The following TTC6 variants were observed in gnomAD, a reference collection of about 807,000 sequenced individuals.
TTC6 encodes the protein tetratricopeptide repeat domain 6, also known as tetratricopeptide repeat protein 6.
TTC6 carries 172 observed loss-of-function variants against 210.4 expected under a neutral mutation model. That is an observed-to-expected ratio of 0.82 (90% CI 0.72 to 0.93). TTC6 has a LOEUF of 0.93. Ranked by LOEUF, TTC6 falls within the 40% of genes least tolerant of loss-of-function variation. TTC6 has a pLI of 0.00. For synonymous variants in TTC6, 804 were observed against 819.6 expected (o/e 0.98, Z 0.32); for missense variants, 2,414 against 2,318.1 (o/e 1.04, Z -0.85).
At chr14:37,604,678 A>G (rs1480448263) in intron 1 of TTC6, among the ~76,000 whole-genome samples, 2 of 151,992 alleles carry the variant, frequency 1.3e-5, no homozygotes, top group Admixed American at 1.3e-4. Context: ...CGGGAAGGAG[A>G]GGGGAGATGA....
chr14:37,701,959 G>A (rs780036211), intron 5 of TTC6, among the ~76,000 whole-genome samples: 2 of 152,138 alleles, frequency 1.3e-5, no homozygotes, highest in Non-Finnish European at 2.9e-5. Flanking sequence ...ACATACAAAA[G>A]TCATTGCTCT....
At chr14:37,625,815 G>C (rs1299945810) in intron 1 of TTC6, among the ~76,000 whole-genome samples, 1 of 152,160 alleles carries the variant, frequency 6.6e-6, no homozygotes, top group Non-Finnish European at 1.5e-5. Flanking sequence ...CTTGGGAAAG[G>C]ACATTCCACA....
intron 17 of TTC6, among the ~76,000 whole-genome samples, chr14:37,793,046 A>G (rs1390401857): frequency 1.3e-5 from 2 of 152,078 alleles, no homozygotes; most frequent in Non-Finnish European, 2.9e-5. Flanking sequence ...TCTTGTCTCT[A>G]CCCTTCAAAG....
chr14:37,818,102 AT>A (rs2096146583), intron 26 of TTC6, among the ~76,000 whole-genome samples: 2 of 152,300 alleles, frequency 1.3e-5, no homozygotes, highest in Non-Finnish European at 2.9e-5. Flanking sequence ...ATAATTTTGC[AT>A]TTAAAAACGT....
At chr14:37,771,150 A>G (rs1344880125) in intron 14 of TTC6, among the ~76,000 whole-genome samples, 5 of 152,016 alleles carry the variant, frequency 3.3e-5, no homozygotes, top group Non-Finnish European at 7.4e-5. Flanking sequence ...CTTCTGGCTT[A>G]TAGGGTTTCT....
At chr14:37,780,230 A>C (rs537129416) in intron 14 of TTC6, among the ~76,000 whole-genome samples, 1 of 152,250 alleles carries the variant, frequency 6.6e-6, no homozygotes, top group African/African-American at 2.4e-5. Flanking sequence ...TTAGTGAAAC[A>C]TTTTTTTCCT....
intron 1 of TTC6, among the ~76,000 whole-genome samples, chr14:37,626,644 C>T (rs1415305103): frequency 6.6e-6 from 1 of 152,122 alleles, no homozygotes; most frequent in Non-Finnish European, 1.5e-5. Context: ...AAGGAATGAA[C>T]TGGTGGTGAA....
intron 1 of TTC6, among the ~76,000 whole-genome samples, chr14:37,672,040 G>A (rs969131616): frequency 3.3e-5 from 5 of 152,060 alleles, no homozygotes; most frequent in African/African-American, 9.7e-5. Context: ...GTTCTTTATA[G>A]GAGTGTGAAA....
chr14:37,824,998 G>A (rs1224046510), intron 27 of TTC6, among the ~76,000 whole-genome samples: 1 of 152,118 alleles, frequency 6.6e-6, no homozygotes, highest in Admixed American at 6.6e-5. Flanking sequence ...ATCTCACTGG[G>A]TGTATAGCAA....
chr14:37,684,744 A>G (rs1395679809), intron 3 of TTC6, among the ~76,000 whole-genome samples: 1 of 152,186 alleles, frequency 6.6e-6, no homozygotes, highest in Non-Finnish European at 1.5e-5. Flanking sequence ...TTTACACTGT[A>G]TGTGGACATT....
At chr14:37,669,100 T>C (rs1358929584) in intron 1 of TTC6, among the ~76,000 whole-genome samples, 1 of 152,196 alleles carries the variant, frequency 6.6e-6, no homozygotes, top group Non-Finnish European at 1.5e-5. Flanking sequence ...TCTTGCAAAG[T>C]GAGAGAAGAG....
chr14:37,699,999 G>T (rs1370572431), intron 4 of TTC6, among the ~76,000 whole-genome samples: 1 of 152,048 alleles, frequency 6.6e-6, no homozygotes. Flanking sequence ...TGGAAATCTG[G>T]GATATTGCAG....
chr14:37,664,233 C>G (rs2095743356), intron 1 of TTC6, among the ~76,000 whole-genome samples: 1 of 149,682 alleles, frequency 6.7e-6, no homozygotes, highest in Non-Finnish European at 1.5e-5. Context: ...GGAGGCATCA[C>G]ACTGCCCAAT....
chr14:37,815,751 TAGAG>T (rs1017275719), intron 25 of TTC6, among the ~76,000 whole-genome samples: 5 of 152,114 alleles, frequency 3.3e-5, no homozygotes, highest in South Asian at 2.1e-4. Flanking sequence ...ATCCTTATAT[TAGAG>T]AGATAATTAA....
intron 1 of TTC6, among the ~76,000 whole-genome samples, chr14:37,651,228 C>T (rs1052634785): frequency 6.6e-6 from 1 of 151,366 alleles, no homozygotes; most frequent in Non-Finnish European, 1.5e-5. Context: ...CTGCCCCTCC[C>T]TTCCCTGCTC....
At chr14:37,619,116 G>T (rs2095647240), upstream of TTC6, among the ~76,000 whole-genome samples, 1 of 152,190 alleles carries the variant, frequency 6.6e-6, no homozygotes, top group Admixed American at 6.5e-5. Flanking sequence ...TTGCTTAAGG[G>T]CTTTAGAAAT....
intron 2 of TTC6, among the ~76,000 whole-genome samples, chr14:37,616,454 G>T (rs1023190103): frequency 2.6e-5 from 4 of 152,128 alleles, no homozygotes; most frequent in Non-Finnish European, 4.4e-5. Flanking sequence ...TCCTGCTTTT[G>T]TTTACTCTGA....
intron 1 of TTC6, among the ~76,000 whole-genome samples, chr14:37,676,535 G>A (rs534032174): frequency 5.9e-5 from 9 of 151,832 alleles, no homozygotes; most frequent in African/African-American, 1.4e-4. Context: ...TTTCTTCATC[G>A]TGTCCTCAAT....
intron 4 of TTC6, among the ~76,000 whole-genome samples, chr14:37,699,410 G>A (rs78922616): frequency 2.0e-5 from 3 of 152,348 alleles, no homozygotes; most frequent in Non-Finnish European, 4.4e-5. Context: ...ATTGTAAACA[G>A]TGTTTGAACC....
Sources: allele counts gnomAD v4.1 joint callset (sites outside exome capture counted in the v4.1 genomes callset), GRCh38; gene constraint gnomAD v4.1.1; transcripts MANE v1.5; gene names NCBI Gene and HGNC (gene_info 2026-07-23, HGNC 2026-07-21).